PDE4D: variants seen among roughly 807,000 people sequenced by gnomAD.
PDE4D encodes 3',5'-cyclic-AMP phosphodiesterase 4D.
In PDE4D, 24 loss-of-function variants were observed where a neutral mutation model predicts 87.4. That is an observed-to-expected ratio of 0.27 (90% CI 0.20 to 0.39). PDE4D has a LOEUF of 0.39. PDE4D is among the 10% of genes least tolerant of loss of function. The pLI is 1.00. For synonymous variants in PDE4D, 384 were observed against 383.2 expected (o/e 1.00, Z -0.02); for missense variants, 714 against 1,041.0 (o/e 0.69, Z 4.32).
intron 1 of PDE4D, among the ~76,000 whole-genome samples, chr5:59,299,162 T>C (rs891931825): frequency 5.9e-5 from 9 of 152,216 alleles, no homozygotes; most frequent in Admixed American, 2.6e-4. Flanking sequence ...CTGTGAGTCT[T>C]GGCAAGGGCT....
intron 1 of PDE4D, among the ~76,000 whole-genome samples, chr5:59,301,055 TGAAAGTCCAA>T (rs1176376477): frequency 1.3e-5 from 2 of 152,148 alleles, no homozygotes; most frequent in African/African-American, 4.8e-5. Flanking sequence ...CCAACCTCCA[TGAAAGTCCAA>T]GTGTTCAGCT....
intron 1 of PDE4D, among the ~76,000 whole-genome samples, chr5:60,382,020 C>T (rs954381162): frequency 1.3e-5 from 2 of 152,108 alleles, no homozygotes; most frequent in African/African-American, 2.4e-5. Context: ...ATACTGTATA[C>T]TTTTCACAGG....
At chr5:60,077,726 T>C (rs926901609) in intron 2 of PDE4D, among the ~76,000 whole-genome samples, 3 of 152,208 alleles carry the variant, frequency 2.0e-5, no homozygotes, top group African/African-American at 7.2e-5. Flanking sequence ...CCAAACCCTT[T>C]GGGCTCTGCA....
At chr5:59,474,472 A>G (rs896619472) in intron 1 of PDE4D, among the ~76,000 whole-genome samples, 9 of 152,094 alleles carry the variant, frequency 5.9e-5, no homozygotes, top group South Asian at 2.1e-4. Context: ...TTGGTATCCT[A>G]CATGAACATG....
At chr5:59,896,810 TA>T (rs987961431), upstream of PDE4D, among the ~76,000 whole-genome samples, 24 of 152,318 alleles carry the variant, frequency 1.6e-4, no homozygotes, top group South Asian at 4.8e-3. Flanking sequence ...GCCTCTATGC[TA>T]AAAGAAAATC....
chr5:59,160,613 G>C (rs1780917811), intron 5 of PDE4D, among the ~76,000 whole-genome samples: 1 of 151,938 alleles, frequency 6.6e-6, no homozygotes, highest in Admixed American at 6.6e-5. Flanking sequence ...TAAAGTGCTG[G>C]GATTACAGGT....
At chr5:60,251,095 AGAAAG>A (rs1583212537) in intron 1 of PDE4D, among the ~76,000 whole-genome samples, 2 of 152,038 alleles carry the variant, frequency 1.3e-5, no homozygotes, top group African/African-American at 4.8e-5. Context: ...GAAAGGAAAG[AGAAAG>A]GAAATATTTT....
At chr5:60,305,438 G>A (rs1754409150) in intron 1 of PDE4D, among the ~76,000 whole-genome samples, 1 of 151,868 alleles carries the variant, frequency 6.6e-6, no homozygotes, top group South Asian at 2.1e-4. Context: ...CAATAGAGAA[G>A]AAGAAAGAAT....
intron 1 of PDE4D, among the ~76,000 whole-genome samples, chr5:59,285,951 C>A (rs757411054): frequency 2.0e-5 from 3 of 152,136 alleles, no homozygotes; most frequent in Non-Finnish European, 4.4e-5. Context: ...AATCTGCAAC[C>A]CCTCACTCTC....
chr5:59,905,501 A>G (rs1196158607), intron 3 of PDE4D, among the ~76,000 whole-genome samples: 1 of 152,138 alleles, frequency 6.6e-6, no homozygotes, highest in Non-Finnish European at 1.5e-5. Flanking sequence ...TATCATGGTT[A>G]TTAAGAGAAT....
intron 1 of PDE4D, among the ~76,000 whole-genome samples, chr5:59,643,517 C>T (rs1216819300): frequency 6.6e-6 from 1 of 151,998 alleles, no homozygotes; most frequent in Non-Finnish European, 1.5e-5. Context: ...ATGTGTATAC[C>T]TATATCAAAA....
intron 1 of PDE4D, among the ~76,000 whole-genome samples, chr5:60,507,649 TA>T (rs774100219): frequency 2.3e-4 from 34 of 148,428 alleles, no homozygotes; most frequent in African/African-American, 4.4e-4. Flanking sequence ...TTTCTTTATT[TA>T]AAAAAAAAAA....
intron 1 of PDE4D, among the ~76,000 whole-genome samples, chr5:59,368,754 T>A (rs1328966358): frequency 6.6e-6 from 1 of 152,300 alleles, no homozygotes; most frequent in South Asian, 2.1e-4. Context: ...GTTGAACAAT[T>A]GATTGGGAAG....
chr5:59,704,962 T>C (rs1483488912), intron 1 of PDE4D, among the ~76,000 whole-genome samples: 4 of 152,338 alleles, frequency 2.6e-5, no homozygotes, highest in East Asian at 3.9e-4. Flanking sequence ...CAACTACCAA[T>C]ATTAGTCAAA....
At chr5:59,380,304 A>T (rs1785512079) in intron 1 of PDE4D, among the ~76,000 whole-genome samples, 1 of 151,900 alleles carries the variant, frequency 6.6e-6, no homozygotes, top group African/African-American at 2.4e-5. Flanking sequence ...TAAAGCAATT[A>T]AAAAAACTAT....
chr5:59,567,271 T>C (rs1179093541), intron 1 of PDE4D, among the ~76,000 whole-genome samples: 1 of 152,228 alleles, frequency 6.6e-6, no homozygotes, highest in East Asian at 1.9e-4. Flanking sequence ...AATCAGAGTA[T>C]GGCCAATGTC....
At chr5:59,808,455 G>A (rs1767981502) in intron 1 of PDE4D, among the ~76,000 whole-genome samples, 1 of 152,102 alleles carries the variant, frequency 6.6e-6, no homozygotes, top group African/African-American at 2.4e-5. Flanking sequence ...CTCCTGGTAG[G>A]TGAGAAAGAG....
chr5:59,729,924 C>A (rs1240208936), intron 1 of PDE4D, among the ~76,000 whole-genome samples: 1 of 151,976 alleles, frequency 6.6e-6, no homozygotes, highest in Non-Finnish European at 1.5e-5. Context: ...GTCTTTTGTA[C>A]ACAAATGTAC....
chr5:59,536,372 G>A (rs909439459), intron 1 of PDE4D, among the ~76,000 whole-genome samples: 1 of 151,544 alleles, frequency 6.6e-6, no homozygotes, highest in Non-Finnish European at 1.5e-5. Flanking sequence ...AGGCGTGGTG[G>A]CAGGCACCTG....
Sources: gnomAD v4.1 joint callset for allele counts (sites outside exome capture counted in the v4.1 genomes callset) on GRCh38, gnomAD v4.1.1 for gene constraint, MANE v1.5 for transcripts, NCBI Gene and HGNC (gene_info 2026-07-23, HGNC 2026-07-21) for gene names.